Variants in ZFAND3 observed in about 807,000 individuals in gnomAD.
ZFAND3 encodes zinc finger AN1-type containing 3, also known as AN1-type zinc finger protein 3.
Under a neutral mutation model 29.6 loss-of-function variants are expected in ZFAND3, and 10 were observed. The observed-to-expected ratio is 0.34, with a 90% CI of 0.21 to 0.57. The LOEUF (loss-of-function observed/expected upper bound fraction) is 0.57. Among genes scored for constraint, ZFAND3 ranks in the 20% least tolerant of loss-of-function variants. The pLI is 0.86. For synonymous variants in ZFAND3, 128 were observed against 112.6 expected, an observed-to-expected ratio of 1.14 and a Z score of -0.87; for missense variants, 230 against 304.5, an observed-to-expected ratio of 0.76 and a Z score of 1.82.
At chr6:37,891,716 A>G (rs1156369283) in intron 1 of ZFAND3, among the ~76,000 whole-genome samples, 1 of 152,170 alleles carries the variant, frequency 6.6e-6, no homozygotes, top group Non-Finnish European at 1.5e-5. Flanking sequence ...ACTTAACAAC[A>G]AAGTATACAT....
intron 2 of ZFAND3, among the ~76,000 whole-genome samples, chr6:38,019,415 G>T (rs903252559): frequency 2.0e-5 from 3 of 151,872 alleles, no homozygotes; most frequent in Non-Finnish European, 4.4e-5. Context: ...TTTTTTATTT[G>T]TGGGAGCCCT....
chr6:37,932,198 G>C (rs1364250706), intron 2 of ZFAND3, among the ~76,000 whole-genome samples: 1 of 151,932 alleles, frequency 6.6e-6, no homozygotes, highest in East Asian at 1.9e-4. Flanking sequence ...GAACCTAGGA[G>C]GCGGAGTTTG....
chr6:38,021,711 A>G (rs1158813565), intron 2 of ZFAND3, among the ~76,000 whole-genome samples: 3 of 152,196 alleles, frequency 2.0e-5, no homozygotes, highest in Non-Finnish European at 4.4e-5. Flanking sequence ...CATTGCATGC[A>G]TCATTGAAGG....
At chr6:37,993,508 G>A (rs1391215793) in intron 2 of ZFAND3, among the ~76,000 whole-genome samples, 4 of 152,002 alleles carry the variant, frequency 2.6e-5, no homozygotes, top group African/African-American at 9.7e-5. Flanking sequence ...TATATTTTCA[G>A]TAGAGATGGG....
intron 1 of ZFAND3, among the ~76,000 whole-genome samples, chr6:37,860,751 T>TA (rs2127383640): frequency 6.6e-6 from 1 of 152,100 alleles, no homozygotes; most frequent in Non-Finnish European, 1.5e-5. Context: ...ACCCAGTTTT[T>TA]TTTTTTCAAA....
chr6:38,104,681 A>G (rs1427904358), intron 4 of ZFAND3, among the ~76,000 whole-genome samples: 2 of 152,226 alleles, frequency 1.3e-5, no homozygotes, highest in African/African-American at 4.8e-5. Flanking sequence ...CTTATAAATC[A>G]TATTCTAAGA....
chr6:38,053,887 CTA>C (rs1445454139), intron 2 of ZFAND3, among the ~76,000 whole-genome samples: 5 of 151,428 alleles, frequency 3.3e-5, no homozygotes, highest in Non-Finnish European at 1.5e-5. Context: ...TGACTATTCT[CTA>C]TGTGAATGTT....
chr6:38,002,319 A>C (rs1282149385), intron 2 of ZFAND3, among the ~76,000 whole-genome samples: 2 of 149,704 alleles, frequency 1.3e-5, no homozygotes, highest in African/African-American at 4.9e-5. Flanking sequence ...ACAGTTTAAC[A>C]TCAAATGTTT....
At chr6:37,962,066 C>T (rs1364086627) in intron 2 of ZFAND3, among the ~76,000 whole-genome samples, 1 of 152,156 alleles carries the variant, frequency 6.6e-6, no homozygotes, top group Non-Finnish European at 1.5e-5. Flanking sequence ...ACCTTTCAGA[C>T]AGAGAATTCA....
intron 2 of ZFAND3, among the ~76,000 whole-genome samples, chr6:38,061,223 T>C (rs1764232902): frequency 1.3e-5 from 2 of 152,204 alleles, no homozygotes; most frequent in African/African-American, 4.8e-5. Flanking sequence ...TTTACTCTGC[T>C]GTTTTCTCTG....
At chr6:38,081,712 T>C (rs1032794805) in intron 3 of ZFAND3, among the ~76,000 whole-genome samples, 41 of 152,132 alleles carry the variant, frequency 2.7e-4, no homozygotes, top group Admixed American at 2.3e-3. Context: ...AATGAAATTA[T>C]TGATTTTCAA....
At chr6:37,965,647 G>A (rs1348070969) in intron 2 of ZFAND3, among the ~76,000 whole-genome samples, 1 of 151,982 alleles carries the variant, frequency 6.6e-6, no homozygotes, top group Non-Finnish European at 1.5e-5. Context: ...ACTCCCTGAA[G>A]GCCAGGTAAA....
At chr6:37,957,493 T>G (rs1426638788) in intron 2 of ZFAND3, among the ~76,000 whole-genome samples, 5 of 152,158 alleles carry the variant, frequency 3.3e-5, no homozygotes, top group Non-Finnish European at 5.9e-5. Flanking sequence ...ACTTTCAACA[T>G]GTATACATGT....
intron 5 of ZFAND3, among the ~76,000 whole-genome samples, chr6:38,139,941 A>G (rs895812808): frequency 6.6e-6 from 1 of 152,220 alleles, no homozygotes; most frequent in Non-Finnish European, 1.5e-5. Flanking sequence ...AGAGATGGCA[A>G]GAAGTGAATG....
chr6:38,133,944 A>G (rs1313125790), intron 5 of ZFAND3, among the ~76,000 whole-genome samples: 2 of 152,184 alleles, frequency 1.3e-5, no homozygotes, highest in Non-Finnish European at 2.9e-5. Context: ...GGAGAGGACT[A>G]CAGCAGTAAC....
At chr6:38,115,303 G>C (rs1765394626) in intron 4 of ZFAND3, among the ~76,000 whole-genome samples, 1 of 152,238 alleles carries the variant, frequency 6.6e-6, no homozygotes, top group Non-Finnish European at 1.5e-5. Flanking sequence ...GGCTAGTGTA[G>C]AGATAAGCAA....
intron 2 of ZFAND3, among the ~76,000 whole-genome samples, chr6:38,060,953 C>T (rs1029321251): frequency 1.3e-5 from 2 of 152,080 alleles, no homozygotes; most frequent in Admixed American, 6.5e-5. Flanking sequence ...TATTTTTGAT[C>T]TGCATTTGGT....
chr6:38,065,177 A>G (rs964862700), intron 3 of ZFAND3, among the ~76,000 whole-genome samples: 6 of 151,990 alleles, frequency 3.9e-5, no homozygotes, highest in Admixed American at 6.6e-5. Context: ...TTAGCCGAGC[A>G]TGGTAGTGCG....
chr6:37,996,000 G>A (rs1212817522), intron 2 of ZFAND3, among the ~76,000 whole-genome samples: 1 of 151,790 alleles, frequency 6.6e-6, no homozygotes, highest in Non-Finnish European at 1.5e-5. Context: ...GTGGTGGTGG[G>A]TGCCTGTAAT....
Sources: allele counts gnomAD v4.1 joint callset (sites outside exome capture counted in the v4.1 genomes callset), GRCh38; gene constraint gnomAD v4.1.1; transcripts MANE v1.5; gene names NCBI Gene and HGNC (gene_info 2026-07-23, HGNC 2026-07-21).